Variants in AMPH observed in about 807,000 individuals in gnomAD.
AMPH encodes amphiphysin, also known as amphiphysin (Stiff-Mann syndrome with breast cancer 128kD autoantigen).
A neutral mutation model predicts 99.1 loss-of-function variants in AMPH; 49 were observed. The observed-to-expected ratio is 0.49, with a 90% CI of 0.39 to 0.63. The LOEUF (loss-of-function observed/expected upper bound fraction) is 0.63. Among genes scored for constraint, AMPH ranks in the 20% least tolerant of loss-of-function variants. The pLI is 0.00. For missense variants in AMPH, 759 were observed against 863.4 expected (o/e 0.88, Z 1.52); for synonymous variants, 314 against 317.3 (o/e 0.99, Z 0.11).
intron 1 of AMPH, among the ~76,000 whole-genome samples, chr7:38,571,286 T>TATGAATATAG (rs1481618357): frequency 2.1e-5 from 1 of 47,734 alleles, no homozygotes; most frequent in East Asian, 4.1e-4. Flanking sequence ...TATTTTTATA[T>TATGAATATAG]ATATTTATAT....
intron 2 of AMPH, among the ~76,000 whole-genome samples, chr7:38,513,487 A>G (rs1789620610): frequency 6.6e-6 from 1 of 152,200 alleles, no homozygotes; most frequent in Non-Finnish European, 1.5e-5. Flanking sequence ...CTCATGCACA[A>G]ATGACAAGTG....
At chr7:38,439,758 T>C (rs112807214) in intron 11 of AMPH, among the ~76,000 whole-genome samples, 6 of 152,118 alleles carry the variant, frequency 3.9e-5, no homozygotes, top group South Asian at 2.1e-4. Context: ...AATCTTCCAA[T>C]AGGAAAACAT....
chr7:38,424,047 T>C (rs909868551), intron 15 of AMPH, among the ~76,000 whole-genome samples: 1 of 152,100 alleles, frequency 6.6e-6, no homozygotes, highest in Non-Finnish European at 1.5e-5. Flanking sequence ...TCCATTACAC[T>C]AGTAGTCAGA....
At chr7:38,562,040 A>ATG (rs955561862) in intron 1 of AMPH, among the ~76,000 whole-genome samples, 1 of 151,392 alleles carries the variant, frequency 6.6e-6, no homozygotes, top group Non-Finnish European at 1.5e-5. Context: ...GGGACTTCAG[A>ATG]TGAGGGCCAA....
chr7:38,429,610 A>C (rs1328678582), intron 14 of AMPH: 2 of 1,446,284 alleles, frequency 1.4e-6, no homozygotes, highest in Non-Finnish European at 1.8e-6. Context: ...AAGGAAAAAA[A>C]ACAAAAACAA....
intron 1 of AMPH, among the ~76,000 whole-genome samples, chr7:38,608,665 C>CA (rs1246504324): frequency 3.3e-5 from 5 of 152,162 alleles, no homozygotes; most frequent in African/African-American, 1.2e-4. Context: ...ATAATCAATA[C>CA]TGACATCAAA....
chr7:38,394,101 T>C lies in AMPH; in HGVS notation c.1512A>G (p.Gly504=). 1 of 1,614,170 alleles carries C rather than the reference T, an allele frequency of 6.2e-7. No individual in the cohort carries two copies. The highest frequency in any genetic ancestry group is 8.5e-7 in the Non-Finnish European group (1 of 1,180,028). The change falls in exon 18 of 21, where the codon GGA becomes GGG. Residue 504 remains glycine, a synonymous_variant. Transcript: ENST00000356264. ...AEKATVPAGE[G]VSLEEAKIGT... ...CAATTTTGGCCTCCTCTAAACTTAC[T>C]CCTTCCCCGGCAGGGACAGTGGCCT...
chr7:38,534,873 T>C, intron 2 of AMPH, 58 bp downstream of exon 2: 1 of 1,472,422 alleles, frequency 6.8e-7, no homozygotes. Flanking sequence ...ACTTACATAC[T>C]AAGACACAAA....
chr7:38,385,916 C>T (rs1784336434), intron 20 of AMPH, among the ~76,000 whole-genome samples: 1 of 152,112 alleles, frequency 6.6e-6, no homozygotes, highest in Non-Finnish European at 1.5e-5. Flanking sequence ...TTAACCAGTG[C>T]AGAAAGGAAA....
chr7:38,410,734 C>A (rs541486856), intron 17 of AMPH, among the ~76,000 whole-genome samples: 9 of 152,234 alleles, frequency 5.9e-5, no homozygotes, highest in Non-Finnish European at 1.2e-4. Flanking sequence ...GTTGACCATG[C>A]AGTTAGTTCC....
chr7:38,395,204 A>G (rs1784633633), intron 17 of AMPH, among the ~76,000 whole-genome samples: 1 of 147,684 alleles, frequency 6.8e-6, no homozygotes, highest in African/African-American at 2.5e-5. Flanking sequence ...AAGGTTCCAG[A>G]AGCCAAATCA....
chr7:38,470,369 C>G lies in AMPH; in HGVS notation c.591-4121G>C, dbSNP rs576008545. 1.4e-4 allele frequency among the ~76,000 whole-genome samples: 22 copies of G among 152,212 alleles called. 1 individual carries two copies. Among genetic ancestry groups the G allele is most frequent in the South Asian group, 6.2e-4 (3 of 4,822 alleles). ...CAATGCCTATAATCAAGCTTCTGAT[C>G]CCAACATCTACTGAAACCCCTCTGG... On this transcript the variant is annotated intron_variant, in intron 7 of 20. Transcript: ENST00000356264.
chr7:38,562,721 G>GA (rs1010644844), intron 1 of AMPH, among the ~76,000 whole-genome samples: 5 of 148,930 alleles, frequency 3.4e-5, no homozygotes, highest in African/African-American at 7.4e-5. Context: ...GTAAGAGAAA[G>GA]AAAAAAAAAC....
At chr7:38,623,052 A>G (rs901556048) in intron 1 of AMPH, among the ~76,000 whole-genome samples, 2 of 152,226 alleles carry the variant, frequency 1.3e-5, no homozygotes, top group African/African-American at 4.8e-5. Context: ...ACTCATTTAA[A>G]GAAGGGAAAC....
At chr7:38,482,742 A>G (rs1788335537) in intron 5 of AMPH, among the ~76,000 whole-genome samples, 1 of 152,130 alleles carries the variant, frequency 6.6e-6, no homozygotes, top group South Asian at 2.1e-4. Flanking sequence ...CATATGAATA[A>G]TTTGAACAAG....
Position 38,479,228 on chromosome 7 carries a change from C to T in AMPH, c.397-2259G>A, listed in dbSNP as rs74836637. On this transcript the variant is annotated intron_variant, in intron 5 of 20. Transcript: ENST00000356264. ...GCATACAATAAAAAGGTAAGAATTA[C>T]GGGATGCTAATCTTCAGAAACCATG... Among the ~76,000 whole-genome samples, 1,008 of 152,104 alleles carry T rather than the reference C, an allele frequency of 6.6e-3. 13 individuals carry two copies. The highest frequency in any genetic ancestry group is 0.01 in the Middle Eastern group (3 of 294).
intron 14 of AMPH, chr7:38,429,372 T>C (rs1403514778): frequency 7.7e-7 from 1 of 1,290,432 alleles, no homozygotes; most frequent in Non-Finnish European, 1.0e-6. Context: ...TAATCTTATG[T>C]CTTGCTCTGT....
chr7:38,630,954 G>C (rs1316332754), intron 1 of AMPH, among the ~76,000 whole-genome samples: 1 of 152,222 alleles, frequency 6.6e-6, no homozygotes, highest in Non-Finnish European at 1.5e-5. Context: ...CGGGCAAGCT[G>C]CCGCACCTCC....
chr7:38,413,829 T>C (rs529027891), intron 17 of AMPH, among the ~76,000 whole-genome samples: 5 of 152,372 alleles, frequency 3.3e-5, no homozygotes, highest in Admixed American at 6.5e-5. Flanking sequence ...TGATCTTCAA[T>C]GTCTTCTTCT....
Sources: allele counts gnomAD v4.1 joint callset (sites outside exome capture counted in the v4.1 genomes callset), GRCh38; gene constraint gnomAD v4.1.1; transcripts MANE v1.5; gene names NCBI Gene and HGNC (gene_info 2026-07-23, HGNC 2026-07-21).